LRP1B: variants seen among roughly 807,000 people sequenced by gnomAD.
LRP1B encodes the protein LDL receptor related protein 1B, also known as low-density lipoprotein receptor-related protein 1B.
In LRP1B, 217 loss-of-function variants were observed where a neutral mutation model predicts 556.6. The observed-to-expected ratio is 0.39, with a 90% CI of 0.35 to 0.44. LRP1B has a LOEUF of 0.44. Ranked by LOEUF, LRP1B falls within the 20% of genes least tolerant of loss-of-function variation. LRP1B has a pLI of 1.00. For synonymous variants in LRP1B, 2,047 were observed against 1,865.8 expected (o/e 1.10, Z -2.50); for missense variants, 5,053 against 5,620.8 (o/e 0.90, Z 3.23).
At chr2:140,987,072 G>T (rs2105349536) in intron 17 of LRP1B, among the ~76,000 whole-genome samples, 1 of 152,162 alleles carries the variant, frequency 6.6e-6, no homozygotes, top group South Asian at 2.1e-4. Flanking sequence ...TTCCAGTATG[G>T]TAAGCTATGT....
At chr2:140,262,406 A>C (rs1267178482) in intron 86 of LRP1B, among the ~76,000 whole-genome samples, 1 of 152,200 alleles carries the variant, frequency 6.6e-6, no homozygotes, top group African/African-American at 2.4e-5. Context: ...TGTACATACT[A>C]GTATCATCAT....
intron 1 of LRP1B, among the ~76,000 whole-genome samples, chr2:141,819,982 A>G (rs77875699): frequency 6.6e-6 from 1 of 152,288 alleles, no homozygotes; most frequent in Non-Finnish European, 1.5e-5. Flanking sequence ...CCAAAGCAAT[A>G]CTAGTATTCT....
rs190889598 is a variant in LRP1B at position 141,242,359 on chromosome 2, G to A, written c.592+4867C>T. 1.6e-3 allele frequency among the ~76,000 whole-genome samples: 249 copies of A among 152,142 alleles called. 1 individual carries two copies. The highest frequency in any genetic ancestry group is 3.8e-3 in the Admixed American group (58 of 15,260). On this transcript the variant is annotated intron_variant, in intron 5 of 90. Coordinates refer to ENST00000389484, the MANE Select transcript of LRP1B (RefSeq NM_018557.3). ...TAGAGTTTTAAAGTAAGAGCCATAG[G>A]AAGTTACATTTTGTTTATTTTTTTC...
intron 1 of LRP1B, among the ~76,000 whole-genome samples, chr2:141,994,260 C>G (rs1702426230): frequency 6.6e-6 from 1 of 152,114 alleles, no homozygotes; most frequent in African/African-American, 2.4e-5. Flanking sequence ...GGCCAGCTGG[C>G]AACAACAGGC....
chr2:142,077,012 A>C (rs1705525725), intron 1 of LRP1B, among the ~76,000 whole-genome samples: 2 of 152,080 alleles, frequency 1.3e-5, no homozygotes, highest in South Asian at 2.1e-4. Flanking sequence ...TCTACCCTAC[A>C]CTAACACCAA....
intron 2 of LRP1B, among the ~76,000 whole-genome samples, chr2:141,596,316 T>C (rs891518631): frequency 3.9e-5 from 6 of 151,980 alleles, no homozygotes; most frequent in African/African-American, 1.4e-4. Flanking sequence ...AATAAATTAC[T>C]TGACAAAAAA....
chr2:141,966,988 C>A (rs545725128), intron 1 of LRP1B, among the ~76,000 whole-genome samples: 5 of 151,836 alleles, frequency 3.3e-5, no homozygotes, highest in Non-Finnish European at 7.4e-5. Flanking sequence ...GTCCTGTGGA[C>A]AATCATTCCC....
At chr2:140,284,391 G>C (rs997986214) in intron 84 of LRP1B, among the ~76,000 whole-genome samples, 1 of 146,490 alleles carries the variant, frequency 6.8e-6, no homozygotes, top group Non-Finnish European at 1.5e-5. Context: ...ATGCATGGTG[G>C]ATAAAGCTGG....
In LRP1B at chr2:140,232,943, A is replaced by C. The variant is rs1397313897; in HGVS notation, c.*243T>G. On this transcript the variant is annotated 3_prime_UTR_variant, in exon 91 of 91. Coordinates refer to ENST00000389484, the MANE Select transcript of LRP1B (RefSeq NM_018557.3). The stretch of plus-strand genomic sequence containing the variant: ...ATTTTAACAAATTCAAAGGTGTGTC[A>C]TATCAGCAGCATTGTTGTAAATTGT... 1 of 312,094 alleles carries C rather than the reference A, an allele frequency of 3.2e-6. No homozygotes were observed. Among genetic ancestry groups the C allele is most frequent in the Non-Finnish European group, 5.8e-6 (1 of 172,218 alleles). The allele number at this position is 312,094 out of a possible 1,614,324, so 19.3% of individuals were successfully genotyped here. A position where few individuals can be genotyped will look rare whatever the true frequency, so the allele number is the denominator to read the frequency against.
At chr2:140,257,060 A>G (rs1221910442) in intron 86 of LRP1B, among the ~76,000 whole-genome samples, 1 of 152,126 alleles carries the variant, frequency 6.6e-6, no homozygotes, top group East Asian at 1.9e-4. Context: ...AATATCAGCA[A>G]TTATTAATCT....
intron 84 of LRP1B, among the ~76,000 whole-genome samples, chr2:140,277,200 T>C (rs1363252780): frequency 6.6e-6 from 1 of 151,924 alleles, no homozygotes; most frequent in Non-Finnish European, 1.5e-5. Flanking sequence ...TAGTTTGCAT[T>C]TAACTTAAAG....
chr2:141,493,826 C>T (rs1263810688), intron 2 of LRP1B, among the ~76,000 whole-genome samples: 1 of 152,280 alleles, frequency 6.6e-6, no homozygotes, highest in South Asian at 2.1e-4. Context: ...TCAGTAAATC[C>T]TAACTATGGG....
intron 22 of LRP1B, among the ~76,000 whole-genome samples, chr2:140,905,655 AG>A (rs1216071233): frequency 6.6e-6 from 1 of 152,026 alleles, no homozygotes; most frequent in African/African-American, 2.4e-5. Flanking sequence ...TATCTAACCC[AG>A]GTGGCGTAAT....
chr2:140,357,901 C>G, intron 74 of LRP1B, 78 bp downstream of exon 74: 1 of 1,509,402 alleles, frequency 6.6e-7, no homozygotes, highest in South Asian at 1.2e-5. Context: ...ATATTTCCAT[C>G]CAGAACATTT....
intron 47 of LRP1B, among the ~76,000 whole-genome samples, chr2:140,531,141 C>A (rs1403031417): frequency 6.6e-6 from 1 of 152,108 alleles, no homozygotes; most frequent in African/African-American, 2.4e-5. Flanking sequence ...CCCATAGTAA[C>A]ATATCATCTT....
intron 84 of LRP1B, among the ~76,000 whole-genome samples, chr2:140,285,330 C>CATATGTATATATGTGT (rs1683101633): frequency 2.6e-5 from 1 of 38,348 alleles, no homozygotes; most frequent in Non-Finnish European, 1.4e-4. Context: ...CACACATATA[C>CATATGTATATATGTGT]ACATACATAT....
chr2:140,977,770 C>T (rs958593237), intron 18 of LRP1B, among the ~76,000 whole-genome samples: 1 of 152,102 alleles, frequency 6.6e-6, no homozygotes, highest in Non-Finnish European at 1.5e-5. Flanking sequence ...GTATGTATGT[C>T]TTGAGTTTTC....
chr2:141,541,124 T>C (rs1685245097), intron 2 of LRP1B, among the ~76,000 whole-genome samples: 1 of 152,010 alleles, frequency 6.6e-6, no homozygotes, highest in Non-Finnish European at 1.5e-5. Flanking sequence ...TCCTTAATTA[T>C]TAAAAGAAAG....
intron 77 of LRP1B, among the ~76,000 whole-genome samples, chr2:140,347,504 T>G (rs1406385388): frequency 6.6e-6 from 1 of 151,844 alleles, no homozygotes; most frequent in South Asian, 2.1e-4. Context: ...AAATAACCAT[T>G]TTTTTAGAAT....
Sources: gnomAD v4.1 joint callset for allele counts (sites outside exome capture counted in the v4.1 genomes callset) on GRCh38, gnomAD v4.1.1 for gene constraint, MANE v1.5 for transcripts, NCBI Gene and HGNC (gene_info 2026-07-23, HGNC 2026-07-21) for gene names.